Variants in MED27 observed in about 807,000 individuals in gnomAD.
MED27 encodes the protein mediator of RNA polymerase II transcription subunit 27.
Under a neutral mutation model 38.2 loss-of-function variants are expected in MED27, and 30 were observed. That is an observed-to-expected ratio of 0.79 (90% CI 0.59 to 1.07). MED27 has a LOEUF of 1.07. Ranked by LOEUF, MED27 falls within the 50% of genes least tolerant of loss-of-function variation. The pLI, the probability that MED27 is intolerant of heterozygous loss-of-function variation, is 0.00. For synonymous variants in MED27, 122 were observed against 153.5 expected (o/e 0.79, Z 1.52); for missense variants, 289 against 397.5 (o/e 0.73, Z 2.32).
At chr9:132,061,252 T>C (rs1273979312) in intron 2 of MED27, among the ~76,000 whole-genome samples, 3 of 152,224 alleles carry the variant, frequency 2.0e-5, no homozygotes, top group Non-Finnish European at 4.4e-5. Flanking sequence ...GGTGCCTTAT[T>C]CACAGCACAT....
At chr9:131,876,097 C>A (rs548144758) in intron 6 of MED27, among the ~76,000 whole-genome samples, 6 of 152,172 alleles carry the variant, frequency 3.9e-5, no homozygotes, top group Admixed American at 2.0e-4. Context: ...GGGTGGGGGC[C>A]GTCCTGCCAT....
At chr9:131,978,016 AAG>A (rs1485441223) in intron 3 of MED27, among the ~76,000 whole-genome samples, 2 of 152,224 alleles carry the variant, frequency 1.3e-5, no homozygotes, top group Non-Finnish European at 2.9e-5. Flanking sequence ...CGTCATCAAA[AAG>A]AGAGACAACC....
Position 131,997,322 on chromosome 9 carries a change from G to T in MED27, c.479+17015C>A, listed in dbSNP as rs1177598518. Among the ~76,000 whole-genome samples, 1 of 152,124 alleles carries T rather than the reference G, an allele frequency of 6.6e-6. No individual in the cohort carries two copies. The highest frequency in any genetic ancestry group is 2.4e-5 in the African/African-American group (1 of 41,422). ...ACCTGCTGTCTGGCTACAGGACAGC[G>T]ATCGACATACAGCCTCCAGCTATCG... On this transcript the variant is annotated intron_variant, in intron 3 of 7. Transcript: ENST00000292035. This position sits in a 1 kb window ranked among gnomAD's most constrained non-coding sequence, Gnocchi z 4.0.
chr9:132,019,591 A>G (rs1237978352), intron 2 of MED27, among the ~76,000 whole-genome samples: 2 of 152,212 alleles, frequency 1.3e-5, no homozygotes, highest in African/African-American at 4.8e-5. Flanking sequence ...GAGAAAGGCC[A>G]AAGTAGATGC....
chr9:131,950,872 G>A (rs1321378749), intron 3 of MED27, among the ~76,000 whole-genome samples: 1 of 152,180 alleles, frequency 6.6e-6, no homozygotes, highest in Non-Finnish European at 1.5e-5. Context: ...GAATCAAAGA[G>A]AAATAAAGAT....
rs556580556 is a variant in MED27, at chr9:131,890,758, T to C, written c.681+3127A>G. Reference sequence around the variant, plus strand: ...GATGCAGGATTGAGATCCAGCCCTGTGTGGCTGTGGGCAACGTTACCATTC... The same window carrying C: ...GATGCAGGATTGAGATCCAGCCCTGCGTGGCTGTGGGCAACGTTACCATTC... On this transcript the variant is annotated intron_variant, in intron 5 of 7. Transcript: ENST00000292035. 2.0e-5 allele frequency among the ~76,000 whole-genome samples: 3 copies of C among 152,298 alleles called. No homozygotes were observed. In the East Asian group the frequency reaches 5.8e-4, roughly 29 times the overall value.
chr9:131,922,893 C>T (rs1021317254), intron 4 of MED27, among the ~76,000 whole-genome samples: 4 of 152,142 alleles, frequency 2.6e-5, no homozygotes, highest in Non-Finnish European at 4.4e-5. Context: ...GGATTACAGG[C>T]GTGAACCACC....
Position 132,051,260 on chromosome 9 carries a change from C to G in MED27, c.348+26182G>C, listed in dbSNP as rs2131136136. Among the ~76,000 whole-genome samples the G allele has an allele frequency of 6.6e-6, 1 of 152,332 alleles. No individual in the cohort carries two copies. The highest frequency in any genetic ancestry group is 3.4e-3 in the Middle Eastern group (1 of 294). On this transcript the variant is annotated intron_variant, in intron 2 of 7. Coordinates refer to ENST00000292035, the MANE Select transcript of MED27 (RefSeq NM_004269.4). This position sits in a 1 kb window ranked among gnomAD's most constrained non-coding sequence, Gnocchi z 4.2. ...AACATTTCGGCCACTCATTTGCATT[C>G]CAGTAAGCTTTCCTGAGTGGGAAAG... is the stretch of plus-strand genomic sequence containing the variant.
chr9:132,027,324 C>T (rs1832846213), intron 2 of MED27, among the ~76,000 whole-genome samples: 1 of 152,364 alleles, frequency 6.6e-6, no homozygotes, highest in African/African-American at 2.4e-5. Flanking sequence ...ATGCAGCCCA[C>T]CGCAGCCCAA....
Position 131,873,553 on chromosome 9 carries a change from G to A in MED27, c.724-10413C>T, listed in dbSNP as rs994622985. 5.8e-4 allele frequency among the ~76,000 whole-genome samples: 88 copies of A among 152,158 alleles called. 1 individual carries two copies. Among genetic ancestry groups the A allele is most frequent in the African/African-American group, 2.1e-3 (85 of 41,414 alleles). ...CCTAGCAGCCTGGAGAGGAAACATC[G>A]AAGCCCACAGGGACTTGGGATTACT... is the stretch of plus-strand genomic sequence containing the variant. On this transcript the variant is annotated intron_variant, in intron 6 of 7. Coordinates refer to ENST00000292035, the MANE Select transcript of MED27 (RefSeq NM_004269.4).
At chr9:131,977,603 C>G (rs1042162271) in intron 3 of MED27, among the ~76,000 whole-genome samples, 1 of 152,172 alleles carries the variant, frequency 6.6e-6, no homozygotes, top group Non-Finnish European at 1.5e-5. Context: ...CCTGGTCTCT[C>G]TGGAGGGGGT....
At chr9:131,897,620 G>A (rs914792349) in intron 4 of MED27, among the ~76,000 whole-genome samples, 2 of 152,206 alleles carry the variant, frequency 1.3e-5, no homozygotes, top group African/African-American at 4.8e-5. Flanking sequence ...TGTTTCAGAA[G>A]AGTAACACAG....
In MED27 at chr9:131,882,766, G is replaced by C. The variant is rs571180611; in HGVS notation, c.723+1292C>G. 1.6e-3 allele frequency among the ~76,000 whole-genome samples: 246 copies of C among 152,296 alleles called. 2 individuals carry two copies. Among genetic ancestry groups the C allele is most frequent in the Non-Finnish European group, 2.2e-3 (148 of 68,018 alleles). On this transcript the variant is annotated intron_variant, in intron 6 of 7. Transcript: ENST00000292035. ...AGGCTTCCTCTGACTAGCCTAATCA[G>C]AAGGAGGCCCCCTTGTGTTTCCTGG...
chr9:131,984,932 T>C (rs772303372), intron 3 of MED27, among the ~76,000 whole-genome samples: 1 of 152,156 alleles, frequency 6.6e-6, no homozygotes, highest in Non-Finnish European at 1.5e-5. Flanking sequence ...CTATTACAAG[T>C]CCAGTTTTCT....
chr9:131,866,505 A>G (rs1838739925), intron 6 of MED27, among the ~76,000 whole-genome samples: 1 of 152,220 alleles, frequency 6.6e-6, no homozygotes. Context: ...CAAGTTATCT[A>G]TCTCAAATCC....
intron 2 of MED27, among the ~76,000 whole-genome samples, chr9:132,016,923 C>G (rs1832615682): frequency 6.6e-6 from 1 of 152,194 alleles, no homozygotes. Flanking sequence ...TCCTCTGAAA[C>G]CTCAACCATC....
chr9:132,070,189 C>T (rs2131163889), intron 2 of MED27, among the ~76,000 whole-genome samples: 1 of 152,326 alleles, frequency 6.6e-6, no homozygotes, highest in East Asian at 1.9e-4. Context: ...CTGCTGATAA[C>T]AAGCACCCAG....
chr9:131,979,483 CAAAAAAAA>C (rs36197993), intron 3 of MED27, among the ~76,000 whole-genome samples: 1 of 127,744 alleles, frequency 7.8e-6, no homozygotes, highest in Non-Finnish European at 1.6e-5. Flanking sequence ...AAAGCTGTTC[CAAAAAAAA>C]AAAAAAAAAA....
chr9:132,016,468 A>G (rs1308956364), intron 2 of MED27, among the ~76,000 whole-genome samples: 7 of 152,216 alleles, frequency 4.6e-5, no homozygotes, highest in Non-Finnish European at 8.8e-5. Flanking sequence ...TCTTAGACCA[A>G]TGAATTTTCC....
Sources: allele counts gnomAD v4.1 joint callset (sites outside exome capture counted in the v4.1 genomes callset), GRCh38; gene constraint gnomAD v4.1.1; non-coding constraint Gnocchi (gnomAD v3.1); transcripts MANE v1.5; gene names NCBI Gene and HGNC (gene_info 2026-07-23, HGNC 2026-07-21).